Variants in SYT3 observed in about 807,000 individuals in gnomAD.
The protein encoded by SYT3 is synaptotagmin 3.
In SYT3, 25 loss-of-function variants were observed where a neutral mutation model predicts 50.6. The ratio of observed to expected loss-of-function variants is 0.49; its 90% CI spans 0.36 to 0.69. The LOEUF (loss-of-function observed/expected upper bound fraction) is 0.69. Among genes scored for constraint, SYT3 ranks in the 30% least tolerant of loss-of-function variants. SYT3 has a pLI of 0.00. For missense variants in SYT3, 589 were observed against 793.6 expected (o/e 0.74, Z 3.10); for synonymous variants, 323 against 353.9 (o/e 0.91, Z 0.98).
intron 3 of SYT3, among the ~76,000 whole-genome samples, chr19:50,636,655 C>T (rs901560444): frequency 1.3e-5 from 2 of 152,244 alleles, no homozygotes; most frequent in African/African-American, 4.8e-5. Flanking sequence ...GGTCACTTCA[C>T]CCTTCTCAGC....
rs1984547929 is a variant in SYT3 at position 50,637,906 on chromosome 19, A to G, written c.-15-480T>C. 6.5e-6 allele frequency: 1 copy of G among 154,352 alleles called. No homozygotes were observed. The highest frequency in any genetic ancestry group is 2.0e-4 in the South Asian group (1 of 4,986). 9.6% of individuals were successfully genotyped at this position (154,352 alleles called of 1,614,324 possible). On this transcript the variant is annotated intron_variant, in intron 2 of 10. Transcript: ENST00000600079. This position sits in a 1 kb window ranked among gnomAD's most constrained non-coding sequence, Gnocchi z 4.9. ...GCAGACAAGGTGCCAGCCATTCATC[A>G]TTCATTCATTCAACAAACATCCATC...
At chr19:50,653,757 G>T in the SYT3 span, among the ~76,000 whole-genome samples, 1 of 150,252 alleles carries the variant, frequency 6.7e-6, no homozygotes, top group Non-Finnish European at 1.5e-5. Context: ...CTCAGTAGAA[G>T]GGTGTTAGCA....
At position 50,632,665 on chromosome 19, in the gene SYT3, C is replaced by G; in HGVS notation, c.295G>C (p.Asp99His). 6.3e-7 allele frequency: 1 copy of G among 1,591,058 alleles called. No homozygotes were observed. Among genetic ancestry groups the G allele is most frequent in the Non-Finnish European group, 8.5e-7 (1 of 1,169,712 alleles). Residue 99 changes from aspartate to histidine, a missense_variant, in exon 4 of 11, where the codon GAC becomes CAC. Asp to His is a moderately conservative substitution (Grantham distance 81). Coordinates refer to ENST00000600079, the MANE Select transcript of SYT3 (RefSeq NM_001160329.2). This position sits in a 1 kb window ranked among gnomAD's most constrained non-coding sequence, Gnocchi z 4.7. ...SAVGGGPLRKDLGPGVGLAGL... is the reference protein window; with the variant it reads ...SAVGGGPLRKHLGPGVGLAGL... ...GCCAGCCCGACACCAGGGCCTAGGT[C>G]TTTGCGCAGGGGGCCACCGCCCACT...
At chr19:50,656,257 T>G in the SYT3 span, 1 of 1,536,076 alleles carries the variant, frequency 6.5e-7, no homozygotes, top group Non-Finnish European at 8.7e-7. Context: ...CATTGCAGAG[T>G]ACGAGGCACT....
In SYT3 at chr19:50,629,491, G is replaced by A; in HGVS notation, c.1084C>T (p.Pro362Ser). Residue 362 changes from proline to serine, a missense_variant, in exon 6 of 11, where the codon CCC becomes TCC. By Grantham distance (74) the Pro-to-Ser change is moderately conservative. Transcript: ENST00000600079. The stretch of plus-strand genomic sequence containing the variant: ...AATTGAAACGTCTCATTGAAGACGG[G>A]GTTCAGGGTCTTCCTGTGCACCTGG... Reference protein sequence around the residue: ...QTKVHRKTLNPVFNETFQFSV... With the variant: ...QTKVHRKTLNSVFNETFQFSV... 6.2e-7 allele frequency: 1 copy of A among 1,613,650 alleles called. No homozygotes were observed. Among genetic ancestry groups the A allele is most frequent in the African/African-American group, 1.3e-5 (1 of 74,894 alleles).
At chr19:50,638,365 A>G (rs889134) in intron 2 of SYT3, among the ~76,000 whole-genome samples, 21,976 of 151,986 alleles carry the variant, frequency 0.14, 1,770 homozygotes, top group Non-Finnish European at 0.18. Context: ...CCAGGAGAGA[A>G]GGATGGATGT....
At position 50,632,263 on chromosome 19, in the gene SYT3, C is replaced by A; in HGVS notation, c.674+23G>T. On this transcript the variant is annotated intron_variant, in intron 4 of 10. Transcript: ENST00000600079. This position sits in a 1 kb window ranked among gnomAD's most constrained non-coding sequence, Gnocchi z 4.7. ...GAGGAGCAGAAGTTCAGAGTGGACC[C>A]CCAACCCAGTATCCTCTCTCACCTG... is the stretch of plus-strand genomic sequence containing the variant. 6.5e-7 allele frequency: 1 copy of A among 1,535,984 alleles called. No homozygotes were observed. Among genetic ancestry groups the A allele is most frequent in the South Asian group, 1.3e-5 (1 of 79,528 alleles).
chr19:50,632,434 C>T lies in SYT3; in HGVS notation c.526G>A (p.Ala176Thr), dbSNP rs1984343161. 6.2e-7 allele frequency: 1 copy of T among 1,613,358 alleles called. No individual in the cohort carries two copies. The highest frequency in any genetic ancestry group is 8.5e-7 in the Non-Finnish European group (1 of 1,179,892). The change falls in exon 4 of 11, where the codon GCC becomes ACC. Residue 176 changes from alanine (A) to threonine (T), a missense_variant. Coordinates refer to ENST00000600079, the MANE Select transcript of SYT3 (RefSeq NM_001160329.2). The surrounding 1 kb of genome is among the most constrained non-coding windows in gnomAD (Gnocchi z 4.7). ...SYPEAAAAAV[A>T]AGVKPSQTSP... ...GTTTGGCTCGGTTTGACCCCAGCGG[C>T]CACTGCTGCTGCTGCAGCCTCTGGA... is the stretch of plus-strand genomic sequence containing the variant.
At chr19:50,629,212 T>C (rs1984183848) in intron 6 of SYT3, 82 bp downstream of exon 6, 1 of 1,114,942 alleles carries the variant, frequency 9.0e-7, no homozygotes, top group Non-Finnish European at 1.3e-6. Context: ...GAGGAAGTTA[T>C]GAACTCTGAG....
Position 50,625,146 on chromosome 19 carries a change from TG to T in SYT3, c.1707+15del. ...CACGGGTGCTTGTCAGGGGTCGGTG[TG>T]GGACCCCTACTCACCTCCACTAGCT... On this transcript the variant is annotated intron_variant, in intron 9 of 10. Transcript: ENST00000600079. The surrounding 1 kb of genome is among the most constrained non-coding windows in gnomAD (Gnocchi z 7.5). 6.4e-7 allele frequency: 1 copy of T among 1,564,650 alleles called. No homozygotes were observed. Among genetic ancestry groups the T allele is most frequent in the Non-Finnish European group, 8.6e-7 (1 of 1,161,990 alleles).
At chr19:50,650,846 G>A in the SYT3 span, among the ~76,000 whole-genome samples, 4 of 152,162 alleles carry the variant, frequency 2.6e-5, no homozygotes, top group African/African-American at 9.7e-5. Flanking sequence ...GCTTTTGAAG[G>A]CATCTTTCTT....
chr19:50,626,088 G>T, intron 6 of SYT3, 71 bp from the exon 7 acceptor site: 1 of 1,550,700 alleles, frequency 6.4e-7, no homozygotes, highest in East Asian at 2.4e-5. Flanking sequence ...TTTCTCTCCG[G>T]TCGGAGCCTC....
chr19:50,629,157 C>A (rs554562279), intron 6 of SYT3, 137 bp downstream of exon 6: 4 of 730,516 alleles, frequency 5.5e-6, no homozygotes, highest in Non-Finnish European at 8.7e-6. Flanking sequence ...TTGCAGTCTT[C>A]CCCAGTGTGA....
In SYT3 at chr19:50,625,108, G is replaced by A. The variant is rs756703875; in HGVS notation, c.1707+54C>T. 2.7e-6 allele frequency: 4 copies of A among 1,461,524 alleles called. No homozygotes were observed. The African/African-American group carries it at 4.3e-5, about 16-fold the overall frequency. The allele number at this position is 1,461,524 out of a possible 1,614,324, so 90.5% of individuals were successfully genotyped here. A position where few individuals can be genotyped will look rare whatever the true frequency, so the allele number is the denominator to read the frequency against. ...GCAGGGCGTTCGTTGCATGGATGAA[G>A]GGGCCGAGGGTGCACGGGTGCTTGT... is the stretch of plus-strand genomic sequence containing the variant. On this transcript the variant is annotated intron_variant, in intron 9 of 10. Coordinates refer to ENST00000600079, the MANE Select transcript of SYT3 (RefSeq NM_001160329.2). This position sits in a 1 kb window ranked among gnomAD's most constrained non-coding sequence, Gnocchi z 7.5.
Position 50,625,124 on chromosome 19 carries a change from G to T in SYT3, c.1707+38C>A. On this transcript the variant is annotated intron_variant, in intron 9 of 10. Transcript: ENST00000600079. The surrounding 1 kb of genome is among the most constrained non-coding windows in gnomAD (Gnocchi z 7.5). ...ATGGATGAAGGGGCCGAGGGTGCAC[G>T]GGTGCTTGTCAGGGGTCGGTGTGGG... 1 of 1,528,200 alleles carries T rather than the reference G, an allele frequency of 6.5e-7. No homozygotes were observed. The allele number at this position is 1,528,200 out of a possible 1,614,324, so 94.7% of individuals were successfully genotyped here.
chr19:50,649,173 G>C, the SYT3 span, among the ~76,000 whole-genome samples: 1 of 150,808 alleles, frequency 6.6e-6, no homozygotes, highest in Admixed American at 6.6e-5. Context: ...TGGAGAGAGA[G>C]GGGTGGGGAA....
At chr19:50,649,236 G>T in the SYT3 span, among the ~76,000 whole-genome samples, 3 of 152,126 alleles carry the variant, frequency 2.0e-5, no homozygotes, top group East Asian at 3.9e-4. Context: ...AAATGGGAAA[G>T]AAGGGATTGG....
chr19:50,652,513 G>C, the SYT3 span, among the ~76,000 whole-genome samples: 1 of 152,200 alleles, frequency 6.6e-6, no homozygotes, highest in South Asian at 2.1e-4. Context: ...AGGGGGAAGA[G>C]AGATCCACGC....
At chr19:50,658,084 T>G in the SYT3 span, 2 of 1,535,712 alleles carry the variant, frequency 1.3e-6, no homozygotes, top group Non-Finnish European at 8.7e-7. Flanking sequence ...GCATCCGCTT[T>G]GAGAACATGA....
Sources: gnomAD v4.1 joint callset for allele counts (sites outside exome capture counted in the v4.1 genomes callset) on GRCh38, gnomAD v4.1.1 for gene constraint, Gnocchi (gnomAD v3.1) non-coding constraint, MANE v1.5 for transcripts, NCBI Gene and HGNC (gene_info 2026-07-23, HGNC 2026-07-21) for gene names.